The following ALMS1 variants were observed in gnomAD, a reference collection of about 807,000 sequenced individuals.
ALMS1 encodes the protein ALMS1 centrosome and basal body associated protein.
ALMS1 carries 271 observed loss-of-function variants against 352.2 expected under a neutral mutation model. That is an observed-to-expected ratio of 0.77 (90% confidence interval 0.70 to 0.85). The LOEUF (loss-of-function observed/expected upper bound fraction) is 0.85, where lower values mean the gene tolerates loss of function less well. ALMS1 is among the 40% of genes least tolerant of loss of function. The pLI, the probability that ALMS1 is intolerant of heterozygous loss-of-function variation, is 0.00. For synonymous variants in ALMS1, 1,865 were observed against 1,761.2 expected (o/e 1.06, Z -1.48); for missense variants, 5,445 against 4,870.7 (o/e 1.12, Z -3.51).
At chr2:73,410,012 A>C (rs186160817) in intron 2 of ALMS1, among the ~76,000 whole-genome samples, 6 of 152,314 alleles carry the variant, frequency 3.9e-5, no homozygotes, top group Admixed American at 3.3e-4. Context: ...TTAGGCCTTC[A>C]AGGTACTGGA....
rs1670512542 is a variant in ALMS1, at chr2:73,385,950, G to A, written c.82G>A (p.Glu28Lys). Residue 28 changes from glutamate (E) to lysine (K), a missense_variant, in exon 1 of 23, where the codon GAG becomes AAG. By Grantham distance (56) the Glu-to-Lys change is moderately conservative. Transcript: ENST00000613296. ...EEEEEEEEEE[E>K]AAAAAAANVD... ...GGAGGAGGAGGAGGAGGAAGAGGAG[G>A]AGGCTGCAGCGGCGGCGGCGGCGAA... 9.0e-6 allele frequency: 12 copies of A among 1,331,388 alleles called. No individual in the cohort carries two copies. The Admixed American group carries it at 9.9e-5, about 11-fold the overall frequency. 82.5% of individuals were successfully genotyped at this position (1,331,388 alleles called of 1,614,324 possible).
intron 9 of ALMS1, among the ~76,000 whole-genome samples, chr2:73,483,051 G>GT (rs1672748809): frequency 2.0e-5 from 3 of 151,694 alleles, no homozygotes; most frequent in African/African-American, 4.8e-5. Flanking sequence ...TTTTTGAAGG[G>GT]TTTTTTGTGT....
chr2:73,470,121 TA>T (rs1398921968), intron 9 of ALMS1: 14 of 151,844 alleles, frequency 9.2e-5, no homozygotes, highest in Non-Finnish European at 1.6e-4. Flanking sequence ...AAATGTTTGT[TA>T]ACATTGTTTT....
intron 17 of ALMS1, among the ~76,000 whole-genome samples, chr2:73,600,357 A>G (rs2104191988): frequency 6.6e-6 from 1 of 152,342 alleles, no homozygotes; most frequent in South Asian, 2.1e-4. Context: ...CGTGACTACC[A>G]AAAGGACTCT....
At chr2:73,426,718 A>G (rs932422895) in intron 6 of ALMS1, among the ~76,000 whole-genome samples, 165 bp downstream of exon 6, 2 of 152,160 alleles carry the variant, frequency 1.3e-5, no homozygotes, top group Admixed American at 6.5e-5. Context: ...GAGAAATTTC[A>G]TGGTGATCTA....
intron 7 of ALMS1, among the ~76,000 whole-genome samples, chr2:73,446,110 C>G (rs1354366490): frequency 6.6e-6 from 1 of 152,126 alleles, no homozygotes; most frequent in Non-Finnish European, 1.5e-5. Flanking sequence ...TCGTGCATCT[C>G]CTCCCTCGCT....
At chr2:73,551,312 A>G (rs1048537957) in intron 13 of ALMS1, among the ~76,000 whole-genome samples, 3 of 151,966 alleles carry the variant, frequency 2.0e-5, no homozygotes, top group Non-Finnish European at 2.9e-5. Context: ...GTCCCCCTGC[A>G]GGCAGGACAT....
At chr2:73,428,236 A>AT (rs1671419396) in intron 6 of ALMS1, among the ~76,000 whole-genome samples, 1 of 152,160 alleles carries the variant, frequency 6.6e-6, no homozygotes, top group African/African-American at 2.4e-5. Context: ...ATTGTTAGAG[A>AT]TTATTATCAT....
chr2:73,393,817 C>CTT (rs1379885347), intron 1 of ALMS1, among the ~76,000 whole-genome samples: 27 of 142,360 alleles, frequency 1.9e-4, no homozygotes, highest in Non-Finnish European at 2.3e-4. Context: ...CCAGGAAACA[C>CTT]TTTTTTTTTT....
intron 2 of ALMS1, among the ~76,000 whole-genome samples, chr2:73,417,511 G>A (rs894261918): frequency 1.3e-5 from 2 of 152,122 alleles, no homozygotes; most frequent in Non-Finnish European, 2.9e-5. Context: ...GAATATGCTA[G>A]CAAACATTTA....
chr2:73,593,100 G>A (rs1414699661), intron 16 of ALMS1, among the ~76,000 whole-genome samples: 1 of 43,034 alleles, frequency 2.3e-5, no homozygotes, highest in Non-Finnish European at 4.9e-5. Flanking sequence ...CCTGAGGGAT[G>A]AGGAGATCAT....
At chr2:73,531,036 A>T (rs1044788162) in intron 11 of ALMS1, among the ~76,000 whole-genome samples, 12 of 152,256 alleles carry the variant, frequency 7.9e-5, no homozygotes, top group Admixed American at 4.6e-4. Flanking sequence ...AAGATCTCTG[A>T]CATGCCCTGG....
chr2:73,431,312 T>A (rs1404516451), intron 6 of ALMS1, among the ~76,000 whole-genome samples: 1 of 152,230 alleles, frequency 6.6e-6, no homozygotes, highest in Non-Finnish European at 1.5e-5. Flanking sequence ...TTCACATGGC[T>A]TCCTAAGAAT....
At chr2:73,580,084 A>G (rs968760613) in intron 16 of ALMS1, among the ~76,000 whole-genome samples, 1 of 150,660 alleles carries the variant, frequency 6.6e-6, no homozygotes, top group South Asian at 2.1e-4. Context: ...GTTTTCTTTC[A>G]TTTTCTATTT....
rs1260112565 is a variant in ALMS1 at position 73,490,232 on chromosome 2, A to G, written c.8273A>G (p.Gln2758Arg). 6.2e-7 allele frequency: 1 copy of G among 1,614,046 alleles called. No homozygotes were observed. Among genetic ancestry groups the G allele is most frequent in the Non-Finnish European group, 8.5e-7 (1 of 1,180,022 alleles). The change falls in exon 10 of 23, where the codon CAA becomes CGA. Residue 2758 changes from glutamine (Q) to arginine (R), a missense_variant. Gln to Arg is a conservative substitution (Grantham distance 43). Transcript: ENST00000613296. ...TTTAATTCTCATTTCACTGAAGAAC[A>G]AAATCCTCCCAGAGATCTTAAACAG... ...GVFNSHFTEE[Q>R]NPPRDLKQKT... is the part of the protein sequence containing the mutation.
intron 7 of ALMS1, among the ~76,000 whole-genome samples, chr2:73,445,372 C>G (rs370278861): frequency 2.0e-5 from 3 of 152,206 alleles, no homozygotes; most frequent in South Asian, 2.1e-4. Context: ...TACCCATTAA[C>G]CATCCTCCTC....
rs1558647749 is a variant in ALMS1 at position 73,448,633 on chromosome 2, T to C, written c.2106T>C (p.Ala702=). The change falls in exon 8 of 23, where the codon GCT becomes GCC. Residue 702 remains alanine, a synonymous_variant. Transcript: ENST00000613296. ...ALKVSAVSGP[A]DQKTGTATVL... is the part of the protein sequence containing the mutation. The stretch of plus-strand genomic sequence containing the variant: ...AAGTCTCAGCTGTGTCTGGACCAGC[T>C]GACCAGAAGACTGGGACAGCAACAG... 2 of 1,613,894 alleles carry C rather than the reference T, an allele frequency of 1.2e-6. No homozygotes were observed. The highest frequency in any genetic ancestry group is 1.7e-6 in the Non-Finnish European group (2 of 1,179,930).
At chr2:73,526,384 A>G (rs563483738) in intron 11 of ALMS1, among the ~76,000 whole-genome samples, 4 of 152,288 alleles carry the variant, frequency 2.6e-5, no homozygotes, top group Non-Finnish European at 4.4e-5. Context: ...TTTAGGTAGT[A>G]TGGACATTTT....
chr2:73,515,869 A>C (rs936888547), intron 10 of ALMS1, among the ~76,000 whole-genome samples: 1 of 152,036 alleles, frequency 6.6e-6, no homozygotes, highest in African/African-American at 2.4e-5. Flanking sequence ...GAAATGGATA[A>C]ATTCCTGGAA....
Sources: gnomAD v4.1 joint callset for allele counts (sites outside exome capture counted in the v4.1 genomes callset) on GRCh38, gnomAD v4.1.1 for gene constraint, MANE v1.5 for transcripts, NCBI Gene and HGNC (gene_info 2026-07-23, HGNC 2026-07-21) for gene names.